Variants in SCD5 observed in about 807,000 individuals in gnomAD.
SCD5 encodes stearoyl-CoA desaturase 5, also known as acyl-CoA-desaturase 4.
SCD5 carries 20 observed loss-of-function variants against 30.4 expected under a neutral mutation model. The observed-to-expected ratio is 0.66, with a 90% CI of 0.46 to 0.96. The LOEUF (loss-of-function observed/expected upper bound fraction) is 0.96, where lower values mean the gene tolerates loss of function less well. Ranked by LOEUF, SCD5 falls within the 40% of genes least tolerant of loss-of-function variation. The pLI, the probability that SCD5 is intolerant of heterozygous loss-of-function variation, is 0.00. For synonymous variants in SCD5, 173 were observed against 176.4 expected, an observed-to-expected ratio of 0.98 and a Z score of 0.16; for missense variants, 381 against 443.3, an observed-to-expected ratio of 0.86 and a Z score of 1.26.
At chr4:82,695,047 A>T (rs973919645) in intron 2 of SCD5, among the ~76,000 whole-genome samples, 5 of 130,196 alleles carry the variant, frequency 3.8e-5, no homozygotes, top group Admixed American at 7.3e-5. Flanking sequence ...CAGGCGTCTG[A>T]AGTGGGGACA....
chr4:82,641,384 T>C (rs767673320), intron 3 of SCD5, among the ~76,000 whole-genome samples: 2 of 148,846 alleles, frequency 1.3e-5, no homozygotes, highest in Admixed American at 6.8e-5. Context: ...ATGAACAATA[T>C]AAATAAGCAA....
At chr4:82,740,891 G>A (rs1384986195) in intron 1 of SCD5, among the ~76,000 whole-genome samples, 2 of 151,992 alleles carry the variant, frequency 1.3e-5, no homozygotes, top group Admixed American at 6.6e-5. Flanking sequence ...CTATAGGGGA[G>A]GGTGAAAGAC....
chr4:82,733,005 G>A (rs1720676313), intron 1 of SCD5, among the ~76,000 whole-genome samples: 1 of 152,116 alleles, frequency 6.6e-6, no homozygotes, highest in Non-Finnish European at 1.5e-5. Flanking sequence ...GATGATAATG[G>A]CTAACATTCA....
rs1280133225 is a variant in SCD5 at position 82,680,773 on chromosome 4, A to G, written c.503T>C (p.Ile168Thr). 6 of 1,613,856 alleles carry G rather than the reference A, an allele frequency of 3.7e-6. No homozygotes were observed. In the East Asian group the frequency reaches 6.7e-5, roughly 18 times the overall value. Reference sequence around the variant, plus strand: ...GACGTCAAGCTTTCTCCCCTTCTCAATAACATCTCGATGCTTGCGAACAAA... The same window carrying G: ...GACGTCAAGCTTTCTCCCCTTCTCAGTAACATCTCGATGCTTGCGAACAAA... ...WLFVRKHRDV[I>T]EKGRKLDVTD... The change falls in exon 3 of 5, where the codon ATT (isoleucine) becomes ACT (threonine). Residue 168 changes from isoleucine (I) to threonine (T), a missense_variant. By Grantham distance (89) the Ile-to-Thr change is moderately conservative. Transcript: ENST00000319540.
At chr4:82,752,317 C>T (rs1167248504) in intron 1 of SCD5, among the ~76,000 whole-genome samples, 2 of 150,948 alleles carry the variant, frequency 1.3e-5, no homozygotes, top group South Asian at 2.1e-4. Flanking sequence ...GATCTTGACA[C>T]TCCAAAATGG....
chr4:82,755,485 G>A (rs188832753), intron 1 of SCD5, among the ~76,000 whole-genome samples: 3 of 152,306 alleles, frequency 2.0e-5, no homozygotes, highest in Non-Finnish European at 4.4e-5. Context: ...GGGCGACAGA[G>A]CAAGACTGTC....
chr4:82,702,947 G>A (rs557984911), intron 2 of SCD5, among the ~76,000 whole-genome samples: 1 of 152,158 alleles, frequency 6.6e-6, no homozygotes, highest in Non-Finnish European at 1.5e-5. Flanking sequence ...ATGGAAACTG[G>A]CCCTAATCTG....
Position 82,702,130 on chromosome 4 carries a change from C to CTTTTTTTTTTTTTTTTTTTTTTTTT in SCD5, c.363+3128_363+3152dup, listed in dbSNP as rs10701664. Among the ~76,000 whole-genome samples the CTTTTTTTTTTTTTTTTTTTTTTTTT allele has an allele frequency of 4.7e-5, 3 of 64,072 alleles. 1 individual carries two copies. The highest frequency in any genetic ancestry group is 8.3e-5 in the Non-Finnish European group (3 of 36,322). The allele number at this position is 64,072 out of a possible 152,430, so 42.0% of individuals were successfully genotyped here. On this transcript the variant is annotated intron_variant, in intron 2 of 4. Transcript: ENST00000319540. Reference sequence around the variant, plus strand: ...TCAGGCATTCCTGCCCCATCATCATCTTTTTTTTTTTTTTTTTTTTTTTTT... The same window carrying CTTTTTTTTTTTTTTTTTTTTTTTTT: ...TCAGGCATTCCTGCCCCATCATCATCTTTTTTTTTTTTTTTTTTTTTTTTTTTTTTTTTTTTTTTTTTTTTTTTTT...
At chr4:82,758,541 A>T (rs1482194007) in intron 1 of SCD5, among the ~76,000 whole-genome samples, 1 of 152,158 alleles carries the variant, frequency 6.6e-6, no homozygotes, top group Non-Finnish European at 1.5e-5. Context: ...GAAACTGGGG[A>T]AGAAACTTAA....
intron 2 of SCD5, among the ~76,000 whole-genome samples, chr4:82,688,316 G>GGTGT (rs891423861): frequency 6.6e-5 from 10 of 151,914 alleles, no homozygotes; most frequent in African/African-American, 2.4e-4. Flanking sequence ...GCGTGCGTGT[G>GGTGT]GTGTGTGTGT....
At chr4:82,673,484 A>G (rs1001325026) in intron 3 of SCD5, among the ~76,000 whole-genome samples, 2 of 152,200 alleles carry the variant, frequency 1.3e-5, no homozygotes, top group Non-Finnish European at 2.9e-5. Flanking sequence ...GAAGATCATA[A>G]AACACTGATG....
At chr4:82,730,931 A>C (rs528397081) in intron 1 of SCD5, among the ~76,000 whole-genome samples, 1 of 152,206 alleles carries the variant, frequency 6.6e-6, no homozygotes, top group Non-Finnish European at 1.5e-5. Context: ...CTCTTGAACG[A>C]CTGCTTCTTC....
chr4:82,674,482 G>A (rs192728785), intron 3 of SCD5, among the ~76,000 whole-genome samples: 11 of 152,268 alleles, frequency 7.2e-5, no homozygotes, highest in Admixed American at 3.9e-4. Context: ...ACAAATGTTG[G>A]CAAGATTTTG....
intron 2 of SCD5, among the ~76,000 whole-genome samples, chr4:82,698,884 G>T (rs74532594): frequency 0.18 from 27,471 of 152,096 alleles, 2,807 homozygotes; most frequent in East Asian, 0.4. Context: ...GAATACATTT[G>T]TTTGTTCATT....
intron 1 of SCD5, among the ~76,000 whole-genome samples, chr4:82,714,690 T>C (rs924033646): frequency 2.0e-5 from 3 of 152,178 alleles, no homozygotes; most frequent in East Asian, 1.9e-4. Context: ...TCTGAAAATC[T>C]GAAATGTTCT....
intron 1 of SCD5, among the ~76,000 whole-genome samples, chr4:82,782,360 A>G (rs965008948): frequency 1.3e-5 from 2 of 152,122 alleles, no homozygotes; most frequent in Admixed American, 1.3e-4. Flanking sequence ...AAATCCAGAA[A>G]TACAGTGGAA....
intron 3 of SCD5, among the ~76,000 whole-genome samples, chr4:82,665,037 CACACACACATATAT>C (rs1410534496): frequency 1.3e-4 from 2 of 15,166 alleles, no homozygotes; most frequent in Non-Finnish European, 2.1e-4. Flanking sequence ...TACACACACA[CACACACACATATAT>C]ACACACACAC....
chr4:82,737,711 C>T (rs1221172309), intron 1 of SCD5, among the ~76,000 whole-genome samples: 1 of 152,180 alleles, frequency 6.6e-6, no homozygotes, highest in Non-Finnish European at 1.5e-5. Flanking sequence ...GCCTTTCTGG[C>T]CATCTCTGAT....
At chr4:82,797,868 G>A (rs1722260220) in intron 1 of SCD5, among the ~76,000 whole-genome samples, 1 of 152,108 alleles carries the variant, frequency 6.6e-6, no homozygotes, top group Non-Finnish European at 1.5e-5. Flanking sequence ...GTGACCCGCG[G>A]AGGTGATGGG....
Sources: allele counts gnomAD v4.1 joint callset (sites outside exome capture counted in the v4.1 genomes callset), GRCh38; gene constraint gnomAD v4.1.1; transcripts MANE v1.5; gene names NCBI Gene and HGNC (gene_info 2026-07-23, HGNC 2026-07-21).